Variants in RMST observed in about 807,000 individuals in gnomAD.
RMST encodes the protein rhabdomyosarcoma 2 associated transcript.
chr12:97,466,878 T>G (rs1873254632), intron 5 of RMST, among the ~76,000 whole-genome samples: 1 of 152,074 alleles, frequency 6.6e-6, no homozygotes. Flanking sequence ...ATTGAACTCT[T>G]GAGATAAAAC....
At chr12:97,560,962 A>T (rs1884064012) in exon 13 of RMST, 1 of 152,380 alleles carries the variant, frequency 6.6e-6, no homozygotes, top group Non-Finnish European at 1.5e-5. Flanking sequence ...ACCCACACGG[A>T]GTCAGCAGAA....
At position 97,474,612 on chromosome 12, in the gene RMST, GAAAAAAGAAGCC is replaced by G. The variant is rs1441102409; in HGVS notation, n.644+8892_644+8903del. Among the ~76,000 whole-genome samples the G allele has an allele frequency of 4.7e-4, 2 of 4,294 alleles. 1 individual carries two copies. The highest frequency in any genetic ancestry group is 1.7e-3 in the African/African-American group (2 of 1,176). 2.8% of individuals were successfully genotyped at this position (4,294 alleles called of 152,430 possible). A position where few individuals can be genotyped will look rare whatever the true frequency, so the allele number is the denominator to read the frequency against. Reference sequence around the variant, plus strand: ...CACATTAAGACACACACAATTTGAAGAAAAAAGAAGCCAAAAAAAAAAAAAAAAAAAAACCTT... The same window carrying G: ...CACATTAAGACACACACAATTTGAAGAAAAAAAAAAAAAAAAAAAAACCTT... On this transcript the variant is annotated intron_variant and non_coding_transcript_variant, in intron 5 of 13. Transcript: ENST00000640149.
At chr12:97,544,954 A>G (rs148652726) in intron 11 of RMST, among the ~76,000 whole-genome samples, 92 of 152,260 alleles carry the variant, frequency 6.0e-4, no homozygotes, top group African/African-American at 1.9e-3. Flanking sequence ...AAAAAATTCC[A>G]ATAAATGACA....
chr12:97,540,204 C>T (rs1592768112), intron 11 of RMST, among the ~76,000 whole-genome samples: 1 of 151,754 alleles, frequency 6.6e-6, no homozygotes, highest in Non-Finnish European at 1.5e-5. Context: ...TAGTGGTGTG[C>T]ACACAGTAGG....
At chr12:97,561,611 G>A (rs1047920521) in intron 13 of RMST, among the ~76,000 whole-genome samples, 3 of 135,764 alleles carry the variant, frequency 2.2e-5, no homozygotes, top group Non-Finnish European at 4.7e-5. Context: ...CACTTTCAGT[G>A]TGAAATTAGT....
chr12:97,522,418 G>A (rs1424547393), intron 10 of RMST, among the ~76,000 whole-genome samples: 2 of 152,114 alleles, frequency 1.3e-5, no homozygotes, highest in Non-Finnish European at 2.9e-5. Context: ...AAACACATAG[G>A]CCGTGTGGGT....
intron 5 of RMST, among the ~76,000 whole-genome samples, chr12:97,484,376 T>C (rs1194789612): frequency 2.0e-5 from 3 of 152,228 alleles, no homozygotes; most frequent in African/African-American, 7.2e-5. Context: ...TCCTAACAGA[T>C]ATAGTGTGCA....
intron 10 of RMST, among the ~76,000 whole-genome samples, chr12:97,497,539 C>T (rs984186184): frequency 3.3e-5 from 5 of 152,168 alleles, no homozygotes; most frequent in African/African-American, 1.2e-4. Context: ...AACTCCACGG[C>T]ACTCTAGTGC....
At chr12:97,495,178 G>A (rs979125414) in intron 9 of RMST, among the ~76,000 whole-genome samples, 2 of 150,812 alleles carry the variant, frequency 1.3e-5, no homozygotes, top group South Asian at 2.1e-4. Flanking sequence ...TATTCTTATG[G>A]GGGGGGAGCC....
At chr12:97,517,230 C>CA (rs1369383595) in intron 10 of RMST, among the ~76,000 whole-genome samples, 2 of 151,948 alleles carry the variant, frequency 1.3e-5, no homozygotes, top group African/African-American at 4.8e-5. Flanking sequence ...GAGAATTAAT[C>CA]AAACAGAAAG....
chr12:97,477,619 G>T (rs1874710960), intron 5 of RMST, among the ~76,000 whole-genome samples: 1 of 152,224 alleles, frequency 6.6e-6, no homozygotes, highest in African/African-American at 2.4e-5. Flanking sequence ...TTGCTTCTGT[G>T]ATAGAAAAGC....
intron 11 of RMST, among the ~76,000 whole-genome samples, chr12:97,559,120 G>C (rs996156688): frequency 2.4e-5 from 3 of 123,932 alleles, no homozygotes; most frequent in African/African-American, 9.9e-5. Context: ...CTCTCTCTCT[G>C]ATATACATTG....
In RMST at chr12:97,524,075, C is replaced by CAAAAAAAAAAAAA. The variant is rs537840796; in HGVS notation, n.1341-6564_1341-6552dup. On this transcript the variant is annotated intron_variant and non_coding_transcript_variant, in intron 10 of 13. Coordinates refer to ENST00000640149, the Ensembl canonical transcript of RMST. ...TGGGCAACAGAGTGAGACTCTGTCT[C>CAAAAAAAAAAAAA]AAAAAAAAAAAAAAAAAAAAAAAAA... is the stretch of plus-strand genomic sequence containing the variant. 4.6e-4 allele frequency among the ~76,000 whole-genome samples: 26 copies of CAAAAAAAAAAAAA among 56,128 alleles called. 1 individual carries two copies. The highest frequency in any genetic ancestry group is 1.8e-3 in the African/African-American group (23 of 12,970). The allele number at this position is 56,128 out of a possible 152,430, so 36.8% of individuals were successfully genotyped here.
At chr12:97,559,673 G>T (rs573771568) in intron 11 of RMST, among the ~76,000 whole-genome samples, 4 of 152,258 alleles carry the variant, frequency 2.6e-5, no homozygotes, top group African/African-American at 9.6e-5. Flanking sequence ...GTTTATCTTT[G>T]AAGTTACAGA....
At chr12:97,511,870 ATGTG>A (rs1879340354) in intron 10 of RMST, among the ~76,000 whole-genome samples, 1 of 152,178 alleles carries the variant, frequency 6.6e-6, no homozygotes, top group African/African-American at 2.4e-5. Flanking sequence ...ATACACCTTC[ATGTG>A]TATACCTGTT....
intron 11 of RMST, chr12:97,533,885 A>T (rs1460481858): frequency 6.6e-6 from 1 of 151,860 alleles, no homozygotes; most frequent in Non-Finnish European, 1.5e-5. Flanking sequence ...TTATTTTTGC[A>T]CAAGCTTTTC....
chr12:97,541,548 A>G (rs1174838276), intron 11 of RMST, among the ~76,000 whole-genome samples: 4 of 151,666 alleles, frequency 2.6e-5, no homozygotes, highest in Non-Finnish European at 5.9e-5. Flanking sequence ...CAACAGTTAA[A>G]CATTCTCATT....
chr12:97,534,004 A>G (rs889981775), intron 11 of RMST, among the ~76,000 whole-genome samples: 2 of 151,830 alleles, frequency 1.3e-5, no homozygotes, highest in Admixed American at 1.3e-4. Context: ...TCAGCTGGCA[A>G]AGTCACTCTG....
intron 11 of RMST, chr12:97,552,186 A>G (rs1300300150): frequency 6.6e-6 from 1 of 152,168 alleles, no homozygotes; most frequent in Non-Finnish European, 1.5e-5. Context: ...CTAATGACTG[A>G]AGCTGAGTTT....
Sources: gnomAD v4.1 joint callset for allele counts (sites outside exome capture counted in the v4.1 genomes callset) on GRCh38, gnomAD v4.1.1 for gene constraint, MANE v1.5 for transcripts, NCBI Gene and HGNC (gene_info 2026-07-23, HGNC 2026-07-21) for gene names.